GPHN: variants seen among roughly 807,000 people sequenced by gnomAD.
The protein encoded by GPHN is gephyrin.
In GPHN, 17 loss-of-function variants were observed where a neutral mutation model predicts 95.5. The observed-to-expected ratio is 0.18, with a 90% CI of 0.12 to 0.27. The LOEUF (loss-of-function observed/expected upper bound fraction) is 0.27, where lower values mean the gene tolerates loss of function less well. GPHN is among the 10% of genes least tolerant of loss of function. GPHN has a pLI of 1.00. For missense variants in GPHN, 660 were observed against 978.1 expected (o/e 0.67, Z 4.34); for synonymous variants, 320 against 322.5 (o/e 0.99, Z 0.08).
chr14:66,875,407 A>G (rs2063611037), intron 4 of GPHN, among the ~76,000 whole-genome samples: 1 of 152,202 alleles, frequency 6.6e-6, no homozygotes. Flanking sequence ...ACACATAACA[A>G]TGTTAACCTT....
At chr14:67,281,425 T>C in the GPHN span, among the ~76,000 whole-genome samples, 1 of 152,200 alleles carries the variant, frequency 6.6e-6, no homozygotes, top group Non-Finnish European at 1.5e-5. Context: ...AATTTTATGC[T>C]CTTTTTTCCT....
intron 1 of GPHN, among the ~76,000 whole-genome samples, chr14:66,597,034 G>A (rs973604086): frequency 3.3e-5 from 5 of 152,192 alleles, no homozygotes; most frequent in African/African-American, 9.7e-5. Flanking sequence ...GCTCTTAACT[G>A]CTTCATGCTG....
intron 2 of GPHN, among the ~76,000 whole-genome samples, chr14:66,735,607 A>G (rs1040421480): frequency 6.6e-6 from 1 of 152,204 alleles, no homozygotes; most frequent in Non-Finnish European, 1.5e-5. Context: ...GAACTATTAG[A>G]TACTTCTTTT....
At chr14:66,796,219 A>G (rs890923477) in intron 3 of GPHN, among the ~76,000 whole-genome samples, 1 of 152,092 alleles carries the variant, frequency 6.6e-6, no homozygotes, top group African/African-American at 2.4e-5. Context: ...CACATTATCT[A>G]TTAATCTATT....
At chr14:66,701,063 C>G (rs950454206) in intron 2 of GPHN, among the ~76,000 whole-genome samples, 1 of 152,204 alleles carries the variant, frequency 6.6e-6, no homozygotes, top group Non-Finnish European at 1.5e-5. Context: ...AGTTTTCCTT[C>G]CCTAAAAGCA....
the GPHN span, among the ~76,000 whole-genome samples, chr14:67,713,245 C>G: frequency 6.8e-6 from 1 of 147,376 alleles, no homozygotes; most frequent in African/African-American, 2.5e-5. Context: ...GCAGGAAAAA[C>G]AAACAAACAA....
At chr14:67,118,838 T>A (rs1004834267) in intron 16 of GPHN, among the ~76,000 whole-genome samples, 1 of 152,252 alleles carries the variant, frequency 6.6e-6, no homozygotes, top group Non-Finnish European at 1.5e-5. Context: ...GCGTTTCTTA[T>A]ATTTTTCTTC....
chr14:67,601,341 G>C, the GPHN span, among the ~76,000 whole-genome samples: 1 of 152,152 alleles, frequency 6.6e-6, no homozygotes, highest in Non-Finnish European at 1.5e-5. Flanking sequence ...GGGGAAAACA[G>C]TTGGAAGCTG....
the GPHN span, among the ~76,000 whole-genome samples, chr14:67,438,010 GAGCC>G: frequency 1.3e-5 from 2 of 152,114 alleles, no homozygotes; most frequent in Non-Finnish European, 2.9e-5. Flanking sequence ...TAGTACCAAG[GAGCC>G]AGTTTGGTAT....
chr14:67,513,884 G>T, the GPHN span, among the ~76,000 whole-genome samples: 7 of 152,310 alleles, frequency 4.6e-5, no homozygotes, highest in African/African-American at 1.7e-4. Context: ...TGTTCCTGGA[G>T]ACATAAGGCC....
At position 66,972,241 on chromosome 14, in the gene GPHN, C is replaced by T. The variant is rs143012944; in HGVS notation, c.963+6916C>T. Reference sequence around the variant, plus strand: ...CGAGATTGCACCATTGCACTCCAGCCGGGGCAAAAGAGCAAGAGTCTGTCT... The same window carrying T: ...CGAGATTGCACCATTGCACTCCAGCTGGGGCAAAAGAGCAAGAGTCTGTCT... On this transcript the variant is annotated intron_variant, in intron 9 of 22. Transcript: ENST00000478722. Among the ~76,000 whole-genome samples, 931 of 133,322 alleles carry T rather than the reference C, an allele frequency of 7.0e-3. 6 individuals are homozygous for T. Among genetic ancestry groups the T allele is most frequent in the Non-Finnish European group, 8.2e-3 (539 of 65,346 alleles). 87.5% of individuals were successfully genotyped at this position (133,322 alleles called of 152,430 possible).
chr14:66,986,550 AAC>A (rs1258475483), intron 9 of GPHN, among the ~76,000 whole-genome samples: 2 of 152,146 alleles, frequency 1.3e-5, no homozygotes, highest in African/African-American at 4.8e-5. Context: ...ACTCTTATGA[AAC>A]ACAGACCAAT....
At chr14:66,618,880 TC>T (rs895860855) in intron 1 of GPHN, among the ~76,000 whole-genome samples, 1 of 152,176 alleles carries the variant, frequency 6.6e-6, no homozygotes, top group African/African-American at 2.4e-5. Context: ...TCTACAAGTT[TC>T]CCCTCAATTT....
the GPHN span, among the ~76,000 whole-genome samples, chr14:67,643,685 T>C: frequency 6.6e-6 from 1 of 151,538 alleles, no homozygotes; most frequent in Non-Finnish European, 1.5e-5. Flanking sequence ...AGAAAGAAAA[T>C]ATAACTTATC....
rs184437441 is a variant in GPHN at position 67,043,291 on chromosome 14, T to A, written c.1007-15358T>A. Among the ~76,000 whole-genome samples the A allele has an allele frequency of 2.6e-5, 4 of 152,138 alleles. No individual in the cohort carries two copies. In the East Asian group the frequency reaches 7.7e-4, roughly 29 times the overall value. On this transcript the variant is annotated intron_variant, in intron 10 of 22. Coordinates refer to ENST00000478722, the MANE Select transcript of GPHN (RefSeq NM_020806.5). ...TGTTGAATAGGAGTGGTAAGAGAGG[T>A]CATCCTTGTCTTGTGCTGGTTTTCA... is the stretch of plus-strand genomic sequence containing the variant.
intron 1 of GPHN, among the ~76,000 whole-genome samples, chr14:66,538,823 T>C (rs1417393762): frequency 1.3e-5 from 2 of 150,888 alleles, no homozygotes; most frequent in African/African-American, 4.9e-5. Context: ...AAACATACAA[T>C]ATATGTTTTG....
At chr14:67,702,542 C>G in the GPHN span, among the ~76,000 whole-genome samples, 1 of 152,120 alleles carries the variant, frequency 6.6e-6, no homozygotes, top group South Asian at 2.1e-4. Flanking sequence ...AAGTATAAAT[C>G]TGACCATAAA....
chr14:67,381,834 G>A, the GPHN span: 2 of 565,372 alleles, frequency 3.5e-6, no homozygotes, highest in East Asian at 2.8e-5. Context: ...GTGGTTCTTG[G>A]TAATATTTCT....
chr14:67,685,805 G>A, the GPHN span, among the ~76,000 whole-genome samples: 10 of 151,862 alleles, frequency 6.6e-5, no homozygotes, highest in African/African-American at 1.9e-4. Flanking sequence ...TAGTGGAGAC[G>A]GGATTTCATC....
Sources: allele counts gnomAD v4.1 joint callset (sites outside exome capture counted in the v4.1 genomes callset), GRCh38; gene constraint gnomAD v4.1.1; transcripts MANE v1.5; gene names NCBI Gene and HGNC (gene_info 2026-07-23, HGNC 2026-07-21).